Variants in VPS53 observed in about 807,000 individuals in gnomAD.
The protein encoded by VPS53 is vacuolar protein sorting-associated protein 53 homolog.
VPS53 carries 70 observed loss-of-function variants against 107.0 expected under a neutral mutation model. The ratio of observed to expected loss-of-function variants is 0.65; its 90% CI spans 0.54 to 0.80. The LOEUF (loss-of-function observed/expected upper bound fraction) is 0.80, where lower values mean the gene tolerates loss of function less well. VPS53 is among the 30% of genes least tolerant of loss of function. VPS53 has a pLI of 0.00. For missense variants in VPS53, 917 were observed against 1,049.4 expected (o/e 0.87, Z 1.74); for synonymous variants, 409 against 393.3 (o/e 1.04, Z -0.47).
intron 15 of VPS53, among the ~76,000 whole-genome samples, chr17:556,905 T>G: frequency 6.8e-6 from 1 of 147,784 alleles, no homozygotes; most frequent in Non-Finnish European, 1.5e-5. Flanking sequence ...CAGGAGGGCC[T>G]CTCTGCTGAA....
chr17:675,619 C>T (rs1173902562), intron 4 of VPS53: 2 of 151,880 alleles, frequency 1.3e-5, no homozygotes, highest in Non-Finnish European at 2.9e-5. Context: ...ACCGAAAATA[C>T]AAAAATTAGC....
Position 628,142 on chromosome 17 carries a change from CTT to C in VPS53, c.775_776del (p.Lys259ValfsTer3). ...DPRIKQEIIK[K>X]FIKQHLSEYL... ...ACTCTGACAGATGCTGTTTAATAAA[CTT>C]TTTGATGATTTCCTGTTTGATCCTG... On this transcript the variant is annotated frameshift_variant, in exon 9 of 22. Transcript: ENST00000437048. LOFTEE classifies it high-confidence loss of function. 6.2e-7 allele frequency: 1 copy of C among 1,613,894 alleles called. No homozygotes were observed. The highest frequency in any genetic ancestry group is 8.5e-7 in the Non-Finnish European group (1 of 1,179,920).
intron 2 of VPS53, among the ~76,000 whole-genome samples, 185 bp downstream of exon 2, chr17:710,348 T>C (rs900775157): frequency 7.9e-5 from 12 of 152,150 alleles, no homozygotes; most frequent in Admixed American, 3.3e-4. Flanking sequence ...ATGTTCACTA[T>C]ACAATGAATT....
Position 517,705 on chromosome 17 carries a change from G to C in VPS53, c.*1423C>G. ...CGGCTAATTTTTTTTATTTTTAGTT[G>C]AGACAGGGTTTCGCCATGTTGGGCA... On this transcript the variant is annotated 3_prime_UTR_variant, in exon 22 of 22. Coordinates refer to ENST00000437048, the MANE Select transcript of VPS53 (RefSeq NM_001128159.3). 3.3e-6 allele frequency: 1 copy of C among 306,682 alleles called. No individual in the cohort carries two copies. The highest frequency in any genetic ancestry group is 5.0e-5 in the Admixed American group (1 of 19,832). The allele number at this position is 306,682 out of a possible 1,614,324, so 19.0% of individuals were successfully genotyped here. A position where few individuals can be genotyped will look rare whatever the true frequency, so the allele number is the denominator to read the frequency against.
chr17:666,132 T>G (rs930418957), intron 4 of VPS53, among the ~76,000 whole-genome samples: 8 of 152,158 alleles, frequency 5.3e-5, no homozygotes, highest in Non-Finnish European at 1.2e-4. Flanking sequence ...AGAGATGATA[T>G]GTAAGTCTGT....
intron 1 of VPS53, among the ~76,000 whole-genome samples, 159 bp from the exon 2 acceptor site, chr17:710,772 GTC>G (rs1289940695): frequency 6.6e-6 from 1 of 151,950 alleles, no homozygotes; most frequent in African/African-American, 2.4e-5. Context: ...CTGAGGTCAG[GTC>G]TCTACTAAAA....
At chr17:580,790 C>G (rs777135822) in intron 13 of VPS53, among the ~76,000 whole-genome samples, 3 of 151,948 alleles carry the variant, frequency 2.0e-5, no homozygotes, top group Non-Finnish European at 2.9e-5. Flanking sequence ...CAATGCGTTC[C>G]CAGAGAACCT....
intron 5 of VPS53, chr17:656,923 T>C (rs376231084): frequency 2.2e-6 from 3 of 1,349,036 alleles, no homozygotes; most frequent in South Asian, 2.3e-5. Context: ...TGTTGGAAAC[T>C]TGAGTGCCAA....
In VPS53 at chr17:519,787, G is replaced by A. The variant is rs766318015; in HGVS notation, c.2328+39C>T. 1.0e-5 allele frequency: 14 copies of A among 1,405,516 alleles called. No homozygotes were observed. The highest frequency in any genetic ancestry group is 1.7e-4 in the Middle Eastern group (1 of 5,738). The allele number at this position is 1,405,516 out of a possible 1,614,324, so 87.1% of individuals were successfully genotyped here. ...CCGGTTAAGAACCGCTGAGTGTGAG[G>A]GGGATGAGCAGGTGTGGACCAAATG... is the stretch of plus-strand genomic sequence containing the variant. On this transcript the variant is annotated intron_variant, in intron 21 of 21. Coordinates refer to ENST00000437048, the MANE Select transcript of VPS53 (RefSeq NM_001128159.3). This position sits in a 1 kb window ranked among gnomAD's most constrained non-coding sequence, Gnocchi z 5.0.
In VPS53 at chr17:515,952, C is replaced by A. The variant is rs943496057; in HGVS notation, c.*3176G>T. ...TGGGATTACAGGCACCCGCCACCTG[C>A]CTGCTTTTTTTTTTTTTTTTTTTGT... is the stretch of plus-strand genomic sequence containing the variant. On this transcript the variant is annotated 3_prime_UTR_variant, in exon 22 of 22. Coordinates refer to ENST00000437048, the MANE Select transcript of VPS53 (RefSeq NM_001128159.3). The A allele has an allele frequency of 8.3e-6, 1 of 120,556 alleles. No individual in the cohort carries two copies. Among genetic ancestry groups the A allele is most frequent in the Non-Finnish European group, 1.6e-5 (1 of 63,432 alleles). The allele number at this position is 120,556 out of a possible 1,614,324, so 7.5% of individuals were successfully genotyped here.
At chr17:599,727 G>C (rs1366739299) in intron 12 of VPS53, among the ~76,000 whole-genome samples, 1 of 144,596 alleles carries the variant, frequency 6.9e-6, no homozygotes, top group Admixed American at 7.1e-5. Flanking sequence ...CCCTCTGTGA[G>C]AAACACCCAA....
chr17:656,212 G>A (rs1263602544), intron 5 of VPS53, among the ~76,000 whole-genome samples: 2 of 152,146 alleles, frequency 1.3e-5, no homozygotes, highest in East Asian at 3.9e-4. Context: ...TACCCCAAAT[G>A]AAATGATCCA....
chr17:564,185 A>G (rs1280045686), intron 13 of VPS53, among the ~76,000 whole-genome samples: 1 of 151,882 alleles, frequency 6.6e-6, no homozygotes, highest in Non-Finnish European at 1.5e-5. Flanking sequence ...ACTTGAGGCC[A>G]GGAGTTCGAG....
At chr17:576,525 T>C (rs1053524929) in intron 13 of VPS53, among the ~76,000 whole-genome samples, 6 of 147,964 alleles carry the variant, frequency 4.1e-5, no homozygotes, top group African/African-American at 1.3e-4. Context: ...CAGGAGCTAA[T>C]GCATTCCCAC....
chr17:710,646 A>G (rs745862700), intron 1 of VPS53, 33 bp from the exon 2 acceptor site: 1 of 1,461,676 alleles, frequency 6.8e-7, no homozygotes, highest in Non-Finnish European at 9.6e-7. Context: ...ATATAAAAAC[A>G]TGTAGTATAC....
rs1304354417 is a variant in VPS53, at chr17:521,702, G to A, written c.2122C>T (p.Leu708Phe). The change falls in exon 20 of 22, where the codon CTC (leucine) becomes TTC (phenylalanine). Residue 708 changes from leucine to phenylalanine, a missense_variant. Physicochemically the swap from Leu to Phe is conservative, Grantham distance 22 (BLOSUM62 0). Coordinates refer to ENST00000437048, the MANE Select transcript of VPS53 (RefSeq NM_001128159.3). ...LDTHSLKMVL[L>F]DLPSISSQVV... ...TGCGAGCTGATGGAGGGGAGATCGA[G>A]CAGGACCATCTTCAGCGAGTGGGTG... 1 of 1,550,132 alleles carries A rather than the reference G, an allele frequency of 6.5e-7. No individual in the cohort carries two copies. The highest frequency in any genetic ancestry group is 8.7e-7 in the Non-Finnish European group (1 of 1,146,012).
intron 13 of VPS53, among the ~76,000 whole-genome samples, chr17:581,709 C>T (rs528428442): frequency 2.3e-4 from 35 of 151,496 alleles, no homozygotes; most frequent in African/African-American, 7.3e-4. Context: ...GAACCTAATG[C>T]GTTCCTAGAG....
intron 11 of VPS53, 92 bp downstream of exon 11, chr17:623,441 G>A (rs1969555358): frequency 1.4e-6 from 2 of 1,456,486 alleles, no homozygotes; most frequent in African/African-American, 2.8e-5. Context: ...AAGCACCGAA[G>A]CCAATGGATA....
intron 19 of VPS53, 54 bp downstream of exon 19, chr17:532,788 C>CT (rs747260731): frequency 1.4e-5 from 22 of 1,605,776 alleles, no homozygotes; most frequent in Non-Finnish European, 1.7e-5. Flanking sequence ...AGAATATGTG[C>CT]TTGATCTACA....
Sources: allele counts gnomAD v4.1 joint callset (sites outside exome capture counted in the v4.1 genomes callset), GRCh38; gene constraint gnomAD v4.1.1; non-coding constraint Gnocchi (gnomAD v3.1); transcripts MANE v1.5; gene names NCBI Gene and HGNC (gene_info 2026-07-23, HGNC 2026-07-21).